ADAM18: variants seen among roughly 807,000 people sequenced by gnomAD.
ADAM18 encodes the protein ADAM metallopeptidase domain 18.
Under a neutral mutation model 94.4 loss-of-function variants are expected in ADAM18, and 117 were observed. That is an observed-to-expected ratio of 1.24 (90% CI 1.07 to 1.45). The LOEUF (loss-of-function observed/expected upper bound fraction) is 1.45. ADAM18 is among the 40% of genes most tolerant of loss of function. The pLI, the probability that ADAM18 is intolerant of heterozygous loss-of-function variation, is 0.00. For synonymous variants in ADAM18, 327 were observed against 291.6 expected, an observed-to-expected ratio of 1.12 and a Z score of -1.24; for missense variants, 936 against 880.0, an observed-to-expected ratio of 1.06 and a Z score of -0.81.
intron 7 of ADAM18, among the ~76,000 whole-genome samples, chr8:39,635,582 A>G (rs1820054145): frequency 6.6e-6 from 1 of 152,208 alleles, no homozygotes; most frequent in Non-Finnish European, 1.5e-5. Context: ...ATTATTAACA[A>G]CTATTATAAA....
Position 39,651,155 on chromosome 8 carries a change from A to G in ADAM18, c.1230+2628A>G, listed in dbSNP as rs1311893591. Among the ~76,000 whole-genome samples the G allele has an allele frequency of 2.0e-5, 3 of 152,218 alleles. No individual in the cohort carries two copies. In the East Asian group the frequency reaches 5.8e-4, roughly 29 times the overall value. ...ACATCTCAATGCCTTAAAGAGCAGTATTGCCGCCAGTATGTCTCACCTCCA... is the reference window on the plus strand; with the variant it reads ...ACATCTCAATGCCTTAAAGAGCAGTGTTGCCGCCAGTATGTCTCACCTCCA... On this transcript the variant is annotated intron_variant, in intron 12 of 19. Coordinates refer to ENST00000265707, the MANE Select transcript of ADAM18 (RefSeq NM_014237.3).
At chr8:39,729,317 A>G (rs1390170522) in intron 19 of ADAM18, among the ~76,000 whole-genome samples, 3 of 152,200 alleles carry the variant, frequency 2.0e-5, no homozygotes, top group Non-Finnish European at 4.4e-5. Context: ...TACACTAAAA[A>G]TGGTTAGAAT....
intron 18 of ADAM18, among the ~76,000 whole-genome samples, chr8:39,720,782 A>T (rs547547963): frequency 6.6e-6 from 1 of 151,454 alleles, no homozygotes; most frequent in African/African-American, 2.4e-5. Flanking sequence ...ACTAATAGGA[A>T]TATAATGGAT....
rs148101526 is a variant in ADAM18, at chr8:39,654,152, TC to T, written c.1230+5627del. Among the ~76,000 whole-genome samples, 400 of 145,070 alleles carry T rather than the reference TC, an allele frequency of 2.8e-3. 31 individuals are homozygous for T. Among genetic ancestry groups the T allele is most frequent in the Middle Eastern group, 0.011 (3 of 274 alleles). On this transcript the variant is annotated intron_variant, in intron 12 of 19. Coordinates refer to ENST00000265707, the MANE Select transcript of ADAM18 (RefSeq NM_014237.3). Reference sequence around the variant, plus strand: ...GTTGCTGCCACTGACAGGATTTCATTCCTTTTTTTTTTTTTTTTTTTTGGAG... The same window carrying T: ...GTTGCTGCCACTGACAGGATTTCATTCTTTTTTTTTTTTTTTTTTTTGGAG...
At chr8:39,613,512 A>G (rs879591105) in intron 6 of ADAM18, among the ~76,000 whole-genome samples, 42 of 152,266 alleles carry the variant, frequency 2.8e-4, no homozygotes, top group South Asian at 1.0e-3. Context: ...AACAAACATC[A>G]ACCCACACAG....
intron 8 of ADAM18, 89 bp from the exon 9 acceptor site, chr8:39,637,448 A>G (rs756888023): frequency 1.0e-4 from 142 of 1,410,166 alleles, no homozygotes; most frequent in Non-Finnish European, 1.3e-4. Flanking sequence ...TAATACTGAA[A>G]ATACTGGAAC....
chr8:39,673,587 G>T (rs1268825831), intron 14 of ADAM18, among the ~76,000 whole-genome samples: 1 of 151,690 alleles, frequency 6.6e-6, no homozygotes, highest in Non-Finnish European at 1.5e-5. Context: ...CTGTCCTTGT[G>T]ATAGTTGGCT....
chr8:39,709,476 T>G (rs552271957), intron 18 of ADAM18, among the ~76,000 whole-genome samples: 1 of 152,330 alleles, frequency 6.6e-6, no homozygotes, highest in South Asian at 2.1e-4. Flanking sequence ...TAGTTCTCAC[T>G]TTGGGCTGCA....
chr8:39,654,200 A>C (rs7831283), intron 12 of ADAM18, among the ~76,000 whole-genome samples: 12,030 of 138,810 alleles, frequency 0.087, 2,002 homozygotes, highest in African/African-American at 0.31. Flanking sequence ...CTGAGTCACC[A>C]GGGCTGGAGT....
At chr8:39,646,192 A>G in intron 11 of ADAM18, among the ~76,000 whole-genome samples, 1 of 152,142 alleles carries the variant, frequency 6.6e-6, no homozygotes, top group East Asian at 1.9e-4. Flanking sequence ...TTGCTCTTTA[A>G]GTATTGCTAT....
intron 2 of ADAM18, among the ~76,000 whole-genome samples, chr8:39,593,666 T>A (rs537951937): frequency 1.3e-5 from 2 of 152,118 alleles, no homozygotes; most frequent in Non-Finnish European, 2.9e-5. Context: ...AAAGACTATC[T>A]TCTGTCAGGT....
chr8:39,723,916 G>A lies in ADAM18; in HGVS notation c.2177+9G>A. 6.9e-7 allele frequency: 1 copy of A among 1,441,342 alleles called. No homozygotes were observed. The highest frequency in any genetic ancestry group is 9.3e-7 in the Non-Finnish European group (1 of 1,074,980). The allele number at this position is 1,441,342 out of a possible 1,614,324, so 89.3% of individuals were successfully genotyped here. A position where few individuals can be genotyped will look rare whatever the true frequency, so the allele number is the denominator to read the frequency against. ...AATGCAGAGTATAATCGGTAAATATGATATAGAATCAATGTATTAGGTTTA... is the reference window on the plus strand; with the variant it reads ...AATGCAGAGTATAATCGGTAAATATAATATAGAATCAATGTATTAGGTTTA... On this transcript the variant is annotated intron_variant, in intron 19 of 19. Transcript: ENST00000265707.
At chr8:39,670,421 C>T (rs1202782995) in intron 14 of ADAM18, among the ~76,000 whole-genome samples, 2 of 152,192 alleles carry the variant, frequency 1.3e-5, no homozygotes, top group East Asian at 3.9e-4. Context: ...AGGCATTTTT[C>T]TTCTGTTACC....
At chr8:39,666,040 T>TTTTG (rs755793352) in intron 13 of ADAM18, among the ~76,000 whole-genome samples, 1 of 152,178 alleles carries the variant, frequency 6.6e-6, no homozygotes, top group Non-Finnish European at 1.5e-5. Flanking sequence ...TCTCAGTTTT[T>TTTTG]TTTGTTTGTT....
chr8:39,587,287 G>A (rs974550420), intron 2 of ADAM18, among the ~76,000 whole-genome samples: 23 of 152,106 alleles, frequency 1.5e-4, no homozygotes, highest in African/African-American at 4.8e-4. Context: ...ATGGTGTATC[G>A]TTAACTATAG....
chr8:39,614,128 C>G (rs1819363422), intron 6 of ADAM18, among the ~76,000 whole-genome samples: 1 of 152,084 alleles, frequency 6.6e-6, no homozygotes, highest in South Asian at 2.1e-4. Flanking sequence ...ATTCAGAGAA[C>G]CCCAGGAAAA....
At chr8:39,638,353 T>C (rs1820142770) in intron 9 of ADAM18, 112 bp from the exon 10 acceptor site, 1 of 601,738 alleles carries the variant, frequency 1.7e-6, no homozygotes, top group Non-Finnish European at 2.8e-6. Flanking sequence ...TTTGAAGCTT[T>C]ATATATTTGC....
chr8:39,675,659 T>C (rs771803954), intron 14 of ADAM18, among the ~76,000 whole-genome samples: 54 of 152,240 alleles, frequency 3.5e-4, no homozygotes, highest in Non-Finnish European at 6.0e-4. Flanking sequence ...TCCAGCTTTG[T>C]TCCGTTGCTG....
At position 39,629,395 on chromosome 8, in the gene ADAM18, T is replaced by C; in HGVS notation, c.544T>C (p.Leu182=). 1 of 1,583,616 alleles carries C rather than the reference T, an allele frequency of 6.3e-7. No individual in the cohort carries two copies. Among genetic ancestry groups the C allele is most frequent in the East Asian group, 2.3e-5 (1 of 43,578 alleles). Residue 182 remains leucine (L), a synonymous_variant, in exon 7 of 20, where the codon TTA becomes CTA. Coordinates refer to ENST00000265707, the MANE Select transcript of ADAM18 (RefSeq NM_014237.3). ...NSQIKNLSKL[L]PQYLEIYIIV... ...CCAGATAAAAAATCTTTCAAAACTA[T>C]TACCCCAATATCTGGAAATATACAT...
Sources: gnomAD v4.1 joint callset for allele counts (sites outside exome capture counted in the v4.1 genomes callset) on GRCh38, gnomAD v4.1.1 for gene constraint, MANE v1.5 for transcripts, NCBI Gene and HGNC (gene_info 2026-07-23, HGNC 2026-07-21) for gene names.